The following CUX1 variants were observed in gnomAD, a reference collection of about 807,000 sequenced individuals.
The protein encoded by CUX1 is protein CASP.
Under a neutral mutation model 158.8 loss-of-function variants are expected in CUX1, and 31 were observed. The ratio of observed to expected loss-of-function variants is 0.20; its 90% confidence interval spans 0.15 to 0.26. CUX1 has a LOEUF of 0.26. Ranked by LOEUF, CUX1 falls within the 10% of genes least tolerant of loss-of-function variation. The pLI is 1.00. For missense variants in CUX1, 1,589 were observed against 2,014.6 expected, an observed-to-expected ratio of 0.79 and a Z score of 4.04; for synonymous variants, 879 against 862.1, an observed-to-expected ratio of 1.02 and a Z score of -0.34.
At chr7:102,050,991 T>C (rs1823425108) in intron 3 of CUX1, among the ~76,000 whole-genome samples, 1 of 152,094 alleles carries the variant, frequency 6.6e-6, no homozygotes, top group Non-Finnish European at 1.5e-5. Flanking sequence ...CTGTCCTGAG[T>C]GATCGCTTCA....
intron 1 of CUX1, among the ~76,000 whole-genome samples, chr7:101,913,714 C>T (rs1384520000): frequency 6.6e-6 from 1 of 152,184 alleles, no homozygotes; most frequent in African/African-American, 2.4e-5. Flanking sequence ...CCGCCCCCAG[C>T]ACCCCCACCC....
At chr7:102,267,435 G>A (rs1554545305) in intron 14 of CUX1, among the ~76,000 whole-genome samples, 2 of 152,090 alleles carry the variant, frequency 1.3e-5, no homozygotes, top group Admixed American at 1.3e-4. Context: ...TTGAGAGGCT[G>A]AGGCAGGAGA....
At position 102,255,883 on chromosome 7, in the gene CUX1, T is replaced by C; in HGVS notation, c.*6841T>C. 9.1e-6 allele frequency: 9 copies of C among 985,344 alleles called. No homozygotes were observed. Among genetic ancestry groups the C allele is most frequent in the Non-Finnish European group, 1.1e-5 (9 of 829,810 alleles). The allele number at this position is 985,344 out of a possible 1,614,324, so 61.0% of individuals were successfully genotyped here. A position where few individuals can be genotyped will look rare whatever the true frequency, so the allele number is the denominator to read the frequency against. ...TTTAAACGGAAAGCACTTAAATAGA[T>C]GACTATGTGTAAAAGCTCTGTGCAA... is the stretch of plus-strand genomic sequence containing the variant. On this transcript the variant is annotated 3_prime_UTR_variant, in exon 24 of 24. Transcript: ENST00000292535.
intron 1 of CUX1, among the ~76,000 whole-genome samples, chr7:101,845,180 C>T (rs556630477): frequency 4.3e-4 from 65 of 152,040 alleles, no homozygotes; most frequent in African/African-American, 1.4e-3. Flanking sequence ...GAGATGGGGT[C>T]TCACTATGTT....
upstream of CUX1, chr7:101,817,478 G>T (rs1442329751): frequency 9.2e-7 from 1 of 1,089,062 alleles, no homozygotes; most frequent in Non-Finnish European, 1.1e-6. This position sits in a 1 kb window ranked among gnomAD's most constrained non-coding sequence, Gnocchi z 4.1. Flanking sequence ...GGGGGACCGT[G>T]CCGGGGCTCC....
chr7:102,138,052 G>A (rs1443540257), intron 8 of CUX1, among the ~76,000 whole-genome samples: 3 of 151,952 alleles, frequency 2.0e-5, no homozygotes. Flanking sequence ...GGGCATGGTG[G>A]TGCTCACTGT....
At chr7:102,155,401 T>A (rs926390013) in intron 8 of CUX1, among the ~76,000 whole-genome samples, 8 of 139,670 alleles carry the variant, frequency 5.7e-5, no homozygotes, top group South Asian at 4.5e-4. Context: ...AAAAAAAAAA[T>A]TAGGTATGCT....
chr7:101,818,346 A>G (rs981058622), intron 1 of CUX1, among the ~76,000 whole-genome samples: 9 of 150,210 alleles, frequency 6.0e-5, no homozygotes, highest in Non-Finnish European at 1.0e-4. Context: ...GACAAACATT[A>G]TTATTATTTT....
chr7:102,198,724 T>A (rs1243704695), intron 15 of CUX1, 78 bp from the exon 16 acceptor site: 30 of 1,308,364 alleles, frequency 2.3e-5, no homozygotes, highest in Non-Finnish European at 3.0e-5. Flanking sequence ...CGGCTCAGAT[T>A]TCATGTCACA....
chr7:101,960,104 C>A (rs1178118762), intron 2 of CUX1: 1 of 152,160 alleles, frequency 6.6e-6, no homozygotes, highest in East Asian at 1.9e-4. Flanking sequence ...TCATCCTCGA[C>A]CCAGTGACCA....
At chr7:102,183,289 C>T (rs891321021) in intron 11 of CUX1, among the ~76,000 whole-genome samples, 8 of 151,988 alleles carry the variant, frequency 5.3e-5, no homozygotes, top group Admixed American at 2.0e-4. Context: ...GCTGGGATTA[C>T]AGGCGTGAGC....
chr7:102,002,457 T>C (rs1816790477), intron 2 of CUX1, among the ~76,000 whole-genome samples: 1 of 152,242 alleles, frequency 6.6e-6, no homozygotes, highest in Admixed American at 6.5e-5. Flanking sequence ...ATAGTGCTTT[T>C]CACCCTGTAT....
intron 17 of CUX1, among the ~76,000 whole-genome samples, chr7:102,277,079 T>G (rs1439268588): frequency 6.6e-6 from 1 of 151,370 alleles, no homozygotes; most frequent in African/African-American, 2.4e-5. Flanking sequence ...GTGGGAAGAT[T>G]GCTTGAGCCC....
At chr7:102,053,390 CAT>C in intron 3 of CUX1, among the ~76,000 whole-genome samples, 1 of 152,254 alleles carries the variant, frequency 6.6e-6, no homozygotes, top group East Asian at 1.9e-4. Context: ...GTAATAATCT[CAT>C]ATGGAAATGG....
intron 1 of CUX1, among the ~76,000 whole-genome samples, chr7:101,873,224 C>T (rs542021086): frequency 1.4e-5 from 2 of 143,676 alleles, no homozygotes; most frequent in African/African-American, 2.6e-5. Context: ...TTCCATAGTA[C>T]ATGTGCAGGA....
intron 1 of CUX1, among the ~76,000 whole-genome samples, chr7:101,833,624 C>T (rs1012925405): frequency 6.9e-6 from 1 of 145,636 alleles, no homozygotes; most frequent in Non-Finnish European, 1.5e-5. Flanking sequence ...GGAGAAAGTG[C>T]GACAGTCACC....
chr7:101,949,252 C>T (rs1191571289), intron 2 of CUX1, among the ~76,000 whole-genome samples: 1 of 151,950 alleles, frequency 6.6e-6, no homozygotes, highest in African/African-American at 2.4e-5. Flanking sequence ...CTGCCTCAGC[C>T]TCCCGAGTAG....
intron 2 of CUX1, among the ~76,000 whole-genome samples, chr7:101,999,001 T>G (rs1816336545): frequency 6.6e-6 from 1 of 152,072 alleles, no homozygotes; most frequent in South Asian, 2.1e-4. Context: ...GAGCCTAGCT[T>G]GCAGAGGACA....
intron 3 of CUX1, among the ~76,000 whole-genome samples, chr7:102,034,645 C>G (rs1585356271): frequency 6.6e-6 from 1 of 150,694 alleles, no homozygotes; most frequent in East Asian, 2.0e-4. Context: ...CCTAGCTACT[C>G]AGAAGGCTGA....
Sources: gnomAD v4.1 joint callset for allele counts (sites outside exome capture counted in the v4.1 genomes callset) on GRCh38, gnomAD v4.1.1 for gene constraint, Gnocchi (gnomAD v3.1) non-coding constraint, MANE v1.5 for transcripts, NCBI Gene and HGNC (gene_info 2026-07-23, HGNC 2026-07-21) for gene names.